Variants in TSPAN2 observed in about 807,000 individuals in gnomAD.
TSPAN2 encodes the protein tetraspanin 2, also known as tetraspanin-2.
In TSPAN2, 24 loss-of-function variants were observed where a neutral mutation model predicts 33.3. That is an observed-to-expected ratio of 0.72 (90% CI 0.52 to 1.01). The LOEUF (loss-of-function observed/expected upper bound fraction) is 1.01, where lower values mean the gene tolerates loss of function less well. Ranked by LOEUF, TSPAN2 falls within the 50% of genes least tolerant of loss-of-function variation. TSPAN2 has a pLI of 0.00. For missense variants in TSPAN2, 278 were observed against 281.3 expected (o/e 0.99, Z 0.08); for synonymous variants, 114 against 104.5 (o/e 1.09, Z -0.56).
chr1:115,062,098 A>C, intron 3 of TSPAN2, 37 bp downstream of exon 3: 330 of 1,382,158 alleles, frequency 2.4e-4, no homozygotes, highest in Non-Finnish European at 2.9e-4. Context: ...CCGCTCCCTC[A>C]CCCCCACCCC....
At chr1:115,057,911 G>A (rs1370689232) in intron 5 of TSPAN2, among the ~76,000 whole-genome samples, 1 of 152,178 alleles carries the variant, frequency 6.6e-6, no homozygotes, top group Admixed American at 6.5e-5. Flanking sequence ...AAGGGGTTGG[G>A]GCTTTAGATT....
chr1:115,075,407 C>T (rs1054484870), intron 1 of TSPAN2, among the ~76,000 whole-genome samples: 1 of 152,106 alleles, frequency 6.6e-6, no homozygotes, highest in Non-Finnish European at 1.5e-5. Context: ...GGTAAGGACC[C>T]GGCCAGGGTT....
At chr1:115,056,734 A>T (rs561081743) in intron 6 of TSPAN2, among the ~76,000 whole-genome samples, 1 of 152,192 alleles carries the variant, frequency 6.6e-6, no homozygotes, top group African/African-American at 2.4e-5. Flanking sequence ...CTTCATGTTC[A>T]TCCCTCCTAT....
chr1:115,051,819 C>T (rs969523695), intron 7 of TSPAN2, among the ~76,000 whole-genome samples: 4 of 152,150 alleles, frequency 2.6e-5, no homozygotes, highest in South Asian at 2.1e-4. Flanking sequence ...GTAGCACGGG[C>T]GACACCCAAT....
chr1:115,063,820 C>T (rs1647822868), intron 2 of TSPAN2, among the ~76,000 whole-genome samples: 1 of 152,120 alleles, frequency 6.6e-6, no homozygotes, highest in Non-Finnish European at 1.5e-5. Context: ...ACATCAAATA[C>T]CGCATGTTCT....
chr1:115,053,148 C>G (rs1009967670), intron 7 of TSPAN2, among the ~76,000 whole-genome samples: 5 of 152,174 alleles, frequency 3.3e-5, no homozygotes, highest in African/African-American at 1.2e-4. Context: ...ATAACAATGA[C>G]ACACTCAAGG....
chr1:115,085,922 G>C (rs963025928), intron 1 of TSPAN2, among the ~76,000 whole-genome samples: 1 of 152,080 alleles, frequency 6.6e-6, no homozygotes, highest in African/African-American at 2.4e-5. Flanking sequence ...ATACAGCTAT[G>C]AGCAAAACAG....
At chr1:115,061,622 C>A (rs1185065681) in intron 3 of TSPAN2, among the ~76,000 whole-genome samples, 1 of 152,176 alleles carries the variant, frequency 6.6e-6, no homozygotes, top group East Asian at 1.9e-4. Context: ...CCAATGACGT[C>A]ATTTCTTTTC....
intron 1 of TSPAN2, among the ~76,000 whole-genome samples, chr1:115,087,443 G>T (rs1192982409): frequency 6.6e-6 from 1 of 151,480 alleles, no homozygotes; most frequent in African/African-American, 2.4e-5. Context: ...GTAAAATCCC[G>T]TCTGTACTAA....
At position 115,079,167 on chromosome 1, in the gene TSPAN2, ACG is replaced by A. The variant is rs1491078000; in HGVS notation, c.70-6162_70-6161del. ...CACACACACACACACACACACACAC[ACG>A]CGCATGCTGCACTCAAATGAAAGAA... On this transcript the variant is annotated intron_variant, in intron 1 of 7. Transcript: ENST00000369516. Among the ~76,000 whole-genome samples, 702 of 115,840 alleles carry A rather than the reference ACG, an allele frequency of 6.1e-3. 18 individuals carry two copies. The South Asian group carries it at 0.09, about 15-fold the overall frequency. The allele number at this position is 115,840 out of a possible 152,430, so 76.0% of individuals were successfully genotyped here.
intron 6 of TSPAN2, among the ~76,000 whole-genome samples, chr1:115,055,532 T>A (rs1647374129): frequency 6.6e-6 from 1 of 151,996 alleles, no homozygotes; most frequent in Non-Finnish European, 1.5e-5. Context: ...GATGATTATT[T>A]TTTTTTTTGG....
In TSPAN2 at chr1:115,060,502, C is replaced by T. The variant is rs1327821759; in HGVS notation, c.307G>A (p.Val103Ile). 1 of 1,613,716 alleles carries T rather than the reference C, an allele frequency of 6.2e-7. No individual in the cohort carries two copies. The highest frequency in any genetic ancestry group is 1.7e-5 in the Admixed American group (1 of 60,002). ...ATAAAAGCAAATACTCCAGTGGTTA[C>T]TTCAGCAGCAAATATCACCAGGAGG... ...TCLLVIFAAE[V>I]TTGVFAFIGK... is the part of the protein sequence containing the mutation. The change falls in exon 4 of 8, where the codon GTA (valine) becomes ATA (isoleucine). Residue 103 changes from valine (V) to isoleucine (I), a missense_variant. Val to Ile is a conservative substitution (Grantham distance 29, BLOSUM62 3). Coordinates refer to ENST00000369516, the MANE Select transcript of TSPAN2 (RefSeq NM_005725.6).
chr1:115,078,217 C>T (rs1037159092), intron 1 of TSPAN2, among the ~76,000 whole-genome samples: 3 of 152,186 alleles, frequency 2.0e-5, no homozygotes, highest in Non-Finnish European at 4.4e-5. Flanking sequence ...TAGATAGGTA[C>T]CTTCTTTTAT....
intron 7 of TSPAN2, among the ~76,000 whole-genome samples, chr1:115,051,825 C>T (rs17033068): frequency 6.6e-6 from 1 of 152,110 alleles, no homozygotes; most frequent in Non-Finnish European, 1.5e-5. Context: ...CGGGCGACAC[C>T]CAATGCACTT....
At chr1:115,085,565 A>G (rs1648801183) in intron 1 of TSPAN2, among the ~76,000 whole-genome samples, 1 of 152,192 alleles carries the variant, frequency 6.6e-6, no homozygotes, top group African/African-American at 2.4e-5. Context: ...TGAGCTTCTA[A>G]GGGTGTGTGT....
In TSPAN2 at chr1:115,085,425, C is replaced by T. The variant is rs991061087; in HGVS notation, c.69+3939G>A. On this transcript the variant is annotated intron_variant, in intron 1 of 7. Coordinates refer to ENST00000369516, the MANE Select transcript of TSPAN2 (RefSeq NM_005725.6). ...TAAAGCAAGCTGCCAGAGGAGGCTG[C>T]AAATTGATCTGTTAAATCGCAGATC... is the stretch of plus-strand genomic sequence containing the variant. 4.6e-5 allele frequency among the ~76,000 whole-genome samples: 7 copies of T among 152,238 alleles called. 2 individuals are homozygous for T. Among genetic ancestry groups the T allele is most frequent in the Admixed American group, 4.6e-4 (7 of 15,296 alleles).
chr1:115,079,259 T>C (rs968599036), intron 1 of TSPAN2, among the ~76,000 whole-genome samples: 7 of 152,164 alleles, frequency 4.6e-5, no homozygotes, highest in African/African-American at 1.7e-4. Flanking sequence ...GCAATTCTCT[T>C]CTTTGGGATG....
intron 1 of TSPAN2, among the ~76,000 whole-genome samples, chr1:115,073,751 G>A (rs1285226736): frequency 6.6e-6 from 1 of 152,024 alleles, no homozygotes; most frequent in Non-Finnish European, 1.5e-5. Flanking sequence ...GGCTCATGGA[G>A]AGGCTGAGTG....
intron 3 of TSPAN2, among the ~76,000 whole-genome samples, chr1:115,061,230 A>G (rs1437513251): frequency 2.0e-5 from 3 of 152,270 alleles, no homozygotes; most frequent in East Asian, 1.9e-4. Context: ...AAATATCACA[A>G]TAAGTAATGA....
Sources: gnomAD v4.1 joint callset for allele counts (sites outside exome capture counted in the v4.1 genomes callset) on GRCh38, gnomAD v4.1.1 for gene constraint, MANE v1.5 for transcripts, NCBI Gene and HGNC (gene_info 2026-07-23, HGNC 2026-07-21) for gene names.